Variants in KCNH1 observed in about 807,000 individuals in gnomAD.
The protein encoded by KCNH1 is potassium voltage-gated channel subfamily H member 1, also known as voltage-gated delayed rectifier potassium channel KCNH1.
In KCNH1, 27 loss-of-function variants were observed where a neutral mutation model predicts 69.2. The ratio of observed to expected loss-of-function variants is 0.39; its 90% confidence interval spans 0.29 to 0.54. The LOEUF (loss-of-function observed/expected upper bound fraction) is 0.54. KCNH1 is among the 20% of genes least tolerant of loss of function. The pLI is 0.68. For synonymous variants in KCNH1, 456 were observed against 487.7 expected (o/e 0.93, Z 0.86); for missense variants, 798 against 1,261.6 (o/e 0.63, Z 5.57).
rs189071789 is a variant in KCNH1 at position 211,021,299 on chromosome 1, C to T, written c.559-2043G>A. Among the ~76,000 whole-genome samples, 3 of 152,002 alleles carry T rather than the reference C, an allele frequency of 2.0e-5. No homozygotes were observed. The East Asian group carries it at 5.8e-4, about 29-fold the overall frequency. ...CAAACACCCACCTGTTCCTCAATAACCTATGGAAATAAAAAAAAATTAAAA... is the reference window on the plus strand; with the variant it reads ...CAAACACCCACCTGTTCCTCAATAATCTATGGAAATAAAAAAAAATTAAAA... On this transcript the variant is annotated intron_variant, in intron 5 of 10. Coordinates refer to ENST00000271751, the MANE Select transcript of KCNH1 (RefSeq NM_172362.3).
intron 5 of KCNH1, among the ~76,000 whole-genome samples, chr1:211,069,626 C>T (rs1690598667): frequency 6.6e-6 from 1 of 152,040 alleles, no homozygotes; most frequent in African/African-American, 2.4e-5. Context: ...CTGAACACAG[C>T]TGAGGAAAGA....
chr1:210,850,176 G>A (rs1352053901), intron 7 of KCNH1, among the ~76,000 whole-genome samples: 1 of 152,090 alleles, frequency 6.6e-6, no homozygotes, highest in Non-Finnish European at 1.5e-5. Flanking sequence ...TTAGCAGGAA[G>A]AGATGAAGCA....
At chr1:210,893,323 G>A (rs573842351) in intron 7 of KCNH1, among the ~76,000 whole-genome samples, 1 of 152,190 alleles carries the variant, frequency 6.6e-6, no homozygotes, top group Non-Finnish European at 1.5e-5. Flanking sequence ...TTTAAAGATG[G>A]TGCTCTATTG....
intron 7 of KCNH1, among the ~76,000 whole-genome samples, chr1:210,806,507 AT>A (rs1349075154): frequency 5.9e-5 from 9 of 151,926 alleles, no homozygotes; most frequent in Admixed American, 2.0e-4. Context: ...TTGTGGTATC[AT>A]TTTTGGTGGT....
chr1:211,045,064 A>ATATATATATAT (rs1490472380), intron 5 of KCNH1, among the ~76,000 whole-genome samples: 15 of 128,210 alleles, frequency 1.2e-4, no homozygotes, highest in East Asian at 6.4e-4. Context: ...ATATATGAAT[A>ATATATATATAT]ATAGAATAGT....
intron 7 of KCNH1, among the ~76,000 whole-genome samples, chr1:210,850,659 G>T (rs997405842): frequency 1.3e-5 from 2 of 152,204 alleles, no homozygotes; most frequent in East Asian, 1.9e-4. Context: ...GGCAAAGCAA[G>T]AACTCTGGAG....
chr1:210,880,253 T>C (rs1405801784), intron 7 of KCNH1, among the ~76,000 whole-genome samples: 1 of 152,094 alleles, frequency 6.6e-6, no homozygotes, highest in Non-Finnish European at 1.5e-5. Flanking sequence ...AAAGTTTATA[T>C]GGAGAGGCAA....
chr1:210,964,372 G>C (rs1422445276), intron 6 of KCNH1, among the ~76,000 whole-genome samples: 1 of 152,048 alleles, frequency 6.6e-6, no homozygotes, highest in East Asian at 1.9e-4. Context: ...TGAAGAAACT[G>C]CATCAATTAA....
chr1:210,723,824 T>C (rs904538499), intron 10 of KCNH1, among the ~76,000 whole-genome samples: 2 of 152,164 alleles, frequency 1.3e-5, no homozygotes, highest in Non-Finnish European at 2.9e-5. Flanking sequence ...TGAAGCATGG[T>C]TGGGCAGCAT....
At chr1:210,868,131 TGTAA>T (rs1686154894) in intron 7 of KCNH1, among the ~76,000 whole-genome samples, 1 of 152,042 alleles carries the variant, frequency 6.6e-6, no homozygotes, top group Non-Finnish European at 1.5e-5. Context: ...AAGCAATATA[TGTAA>T]GTCTTTTTAA....
chr1:210,982,861 G>C (rs907192524), intron 6 of KCNH1, among the ~76,000 whole-genome samples: 1 of 152,158 alleles, frequency 6.6e-6, no homozygotes, highest in Non-Finnish European at 1.5e-5. Context: ...TTCCACAATG[G>C]TTGAACTAGC....
At chr1:210,980,409 G>A (rs1259908154) in intron 6 of KCNH1, among the ~76,000 whole-genome samples, 1 of 152,178 alleles carries the variant, frequency 6.6e-6, no homozygotes, top group Non-Finnish European at 1.5e-5. Flanking sequence ...CCTAACAGGA[G>A]ATTTACAGGC....
intron 10 of KCNH1, among the ~76,000 whole-genome samples, chr1:210,749,210 G>GGAT (rs1393723830): frequency 1.3e-5 from 2 of 152,160 alleles, no homozygotes; most frequent in African/African-American, 4.8e-5. Context: ...TCCCTTGGCT[G>GGAT]GATGGGAAAG....
At chr1:210,853,961 A>AG (rs1256030169) in intron 7 of KCNH1, among the ~76,000 whole-genome samples, 2 of 150,442 alleles carry the variant, frequency 1.3e-5, no homozygotes, top group South Asian at 2.1e-4. Flanking sequence ...AAAAAAAAAA[A>AG]AAAAAAAGAA....
intron 1 of KCNH1, among the ~76,000 whole-genome samples, chr1:211,115,220 A>G (rs768715222): frequency 1.3e-5 from 2 of 152,170 alleles, no homozygotes; most frequent in Non-Finnish European, 2.9e-5. Flanking sequence ...AACTCCTAAC[A>G]TCAAGTGATC....
At chr1:210,974,797 C>T (rs150456028) in intron 6 of KCNH1, among the ~76,000 whole-genome samples, 2,797 of 152,000 alleles carry the variant, frequency 0.018, 41 homozygotes, top group Non-Finnish European at 0.02. Context: ...CTCCTGACCT[C>T]GTGATCCACC....
intron 6 of KCNH1, among the ~76,000 whole-genome samples, chr1:210,945,381 T>G (rs191537699): frequency 1.3e-5 from 2 of 152,242 alleles, no homozygotes; most frequent in East Asian, 3.9e-4. Flanking sequence ...GAACTACACG[T>G]ATCTCCATTT....
At chr1:211,082,996 C>T in intron 4 of KCNH1, 98 bp from the exon 5 acceptor site, 2 of 927,876 alleles carry the variant, frequency 2.2e-6, no homozygotes, top group Non-Finnish European at 3.3e-6. Flanking sequence ...CAGACACCTC[C>T]AATGCCCTCC....
intron 3 of KCNH1, among the ~76,000 whole-genome samples, chr1:211,096,071 A>T (rs1382880127): frequency 6.6e-6 from 1 of 151,760 alleles, no homozygotes; most frequent in Non-Finnish European, 1.5e-5. Flanking sequence ...TTATTTATTT[A>T]TTTATTTTTT....
Sources: allele counts gnomAD v4.1 joint callset (sites outside exome capture counted in the v4.1 genomes callset), GRCh38; gene constraint gnomAD v4.1.1; transcripts MANE v1.5; gene names NCBI Gene and HGNC (gene_info 2026-07-23, HGNC 2026-07-21).